Variants in TEX9 observed in about 807,000 individuals in gnomAD.
TEX9 encodes the protein testis-expressed protein 9.
In TEX9, 74 loss-of-function variants were observed where a neutral mutation model predicts 59.6. The observed-to-expected ratio is 1.24, with a 90% CI of 1.03 to 1.51. The LOEUF (loss-of-function observed/expected upper bound fraction) is 1.51, where lower values mean the gene tolerates loss of function less well. Ranked by LOEUF, TEX9 falls within the 40% of genes most tolerant of loss-of-function variation. The pLI is 0.00. For missense variants in TEX9, 522 were observed against 447.8 expected, an observed-to-expected ratio of 1.17 and a Z score of -1.49; for synonymous variants, 186 against 152.2, an observed-to-expected ratio of 1.22 and a Z score of -1.64.
At chr15:56,424,942 G>A (rs1176723562) in intron 10 of TEX9, among the ~76,000 whole-genome samples, 4 of 152,094 alleles carry the variant, frequency 2.6e-5, no homozygotes, top group African/African-American at 9.7e-5. Flanking sequence ...AAATACAGTG[G>A]TAATGAAGTT....
At chr15:56,362,741 AC>A (rs1180241065), upstream of TEX9, among the ~76,000 whole-genome samples, 1 of 152,186 alleles carries the variant, frequency 6.6e-6, no homozygotes, top group Non-Finnish European at 1.5e-5. Context: ...CTACTAATCT[AC>A]TTCTGTCACT....
At chr15:56,398,470 A>G (rs1240696998) in intron 9 of TEX9, 2 of 152,186 alleles carry the variant, frequency 1.3e-5, no homozygotes, top group African/African-American at 4.8e-5. Flanking sequence ...GGGAACATCC[A>G]TGTTTTAATT....
intron 12 of TEX9, chr15:56,429,128 T>TTGTTGATATAC: frequency 6.2e-7 from 1 of 1,601,424 alleles, no homozygotes; most frequent in Non-Finnish European, 8.5e-7. Flanking sequence ...TTTCACTCCT[T>TTGTTGATATAC]TGTTGATATA....
chr15:56,344,867 T>A (rs2046439038), intron 1 of TEX9, among the ~76,000 whole-genome samples: 2 of 151,798 alleles, frequency 1.3e-5, no homozygotes, highest in Admixed American at 1.3e-4. Flanking sequence ...GAAAGTTAGA[T>A]CTGTCTTTGT....
At chr15:56,355,105 T>C (rs2046660149) in intron 1 of TEX9, among the ~76,000 whole-genome samples, 1 of 152,168 alleles carries the variant, frequency 6.6e-6, no homozygotes. Flanking sequence ...CCCCTTGCAG[T>C]CAGCGCCTTC....
chr15:56,394,212 G>A (rs2048348131), exon 8 of TEX9: 1 of 1,608,762 alleles, frequency 6.2e-7, no homozygotes, highest in Non-Finnish European at 8.5e-7. Context: ...TATGCAGGAG[G>A]AATTGGATAA....
intron 1 of TEX9, among the ~76,000 whole-genome samples, chr15:56,319,189 C>G (rs1360006911): frequency 1.3e-5 from 2 of 151,934 alleles, no homozygotes; most frequent in African/African-American, 4.8e-5. Context: ...TAAGGCAGGA[C>G]CAACCCCTCT....
intron 10 of TEX9, among the ~76,000 whole-genome samples, chr15:56,425,808 G>C (rs1259096810): frequency 6.6e-6 from 1 of 151,966 alleles, no homozygotes; most frequent in Non-Finnish European, 1.5e-5. Flanking sequence ...TGAAAAACGG[G>C]TGTTTGAAAA....
intron 1 of TEX9, among the ~76,000 whole-genome samples, chr15:56,255,863 G>A (rs1361532353): frequency 3.3e-5 from 5 of 152,000 alleles, no homozygotes; most frequent in Non-Finnish European, 7.4e-5. Flanking sequence ...GAATAACAAA[G>A]AAGCTTGATC....
intron 12 of TEX9, among the ~76,000 whole-genome samples, chr15:56,436,773 A>C (rs913250644): frequency 1.3e-5 from 2 of 152,180 alleles, no homozygotes; most frequent in Admixed American, 6.5e-5. Context: ...GATAAAGGGG[A>C]TATCACCACA....
intron 1 of TEX9, among the ~76,000 whole-genome samples, chr15:56,312,322 T>A (rs1596080833): frequency 7.2e-6 from 1 of 138,910 alleles, no homozygotes; most frequent in East Asian, 2.0e-4. Context: ...AATTTTTGGA[T>A]AAGGTGTAAG....
chr15:56,444,398 T>G (rs752965516), intron 12 of TEX9: 1 of 1,517,472 alleles, frequency 6.6e-7, no homozygotes, highest in Admixed American at 1.9e-5. Flanking sequence ...CTGTGATATA[T>G]CTAAAGTAAA....
intron 1 of TEX9, among the ~76,000 whole-genome samples, chr15:56,252,997 A>T (rs1354099865): frequency 6.6e-6 from 1 of 152,092 alleles, no homozygotes; most frequent in Admixed American, 6.6e-5. Context: ...GAAGGTAGAG[A>T]GGAGAAGGGA....
chr15:56,452,650 C>G, the TEX9 span, among the ~76,000 whole-genome samples: 1 of 151,884 alleles, frequency 6.6e-6, no homozygotes, highest in Admixed American at 6.6e-5. Context: ...TCCCAAGTAG[C>G]TGGGACTACA....
intron 1 of TEX9, among the ~76,000 whole-genome samples, chr15:56,319,985 A>G (rs1358012126): frequency 6.6e-6 from 1 of 152,194 alleles, no homozygotes; most frequent in African/African-American, 2.4e-5. Context: ...GGCTGAACAG[A>G]GACAAAACTC....
At chr15:56,454,408 A>G in the TEX9 span, among the ~76,000 whole-genome samples, 4,774 of 152,180 alleles carry the variant, frequency 0.031, 187 homozygotes, top group East Asian at 0.095. Flanking sequence ...ATTATTGACT[A>G]TAGTCACCCT....
the TEX9 span, among the ~76,000 whole-genome samples, chr15:56,452,193 T>G: frequency 1.3e-5 from 2 of 152,158 alleles, no homozygotes; most frequent in Non-Finnish European, 2.9e-5. Context: ...CAGCATATAG[T>G]TATACTCACG....
downstream of TEX9, chr15:56,447,199 A>G (rs1197346049): frequency 1.4e-5 from 4 of 283,776 alleles, no homozygotes; most frequent in African/African-American, 2.2e-5. Context: ...ATACCACACT[A>G]TCTCAACTGC....
At chr15:56,435,836 C>T (rs140713985) in intron 12 of TEX9, among the ~76,000 whole-genome samples, 6 of 152,012 alleles carry the variant, frequency 3.9e-5, no homozygotes, top group African/African-American at 7.2e-5. Context: ...AGTATTACCC[C>T]GCTACCAATA....
Sources: gnomAD v4.1 joint callset for allele counts (sites outside exome capture counted in the v4.1 genomes callset) on GRCh38, gnomAD v4.1.1 for gene constraint, MANE v1.5 for transcripts, NCBI Gene and HGNC (gene_info 2026-07-23, HGNC 2026-07-21) for gene names.